Variants in IL1RL1 observed in about 807,000 individuals in gnomAD.
IL1RL1 encodes the protein interleukin 1 receptor like 1, also known as interleukin-1 receptor-like 1.
A neutral mutation model predicts 50.9 loss-of-function variants in IL1RL1; 32 were observed. The ratio of observed to expected loss-of-function variants is 0.63; its 90% CI spans 0.47 to 0.84. The LOEUF (loss-of-function observed/expected upper bound fraction) is 0.84, where lower values mean the gene tolerates loss of function less well. Among genes scored for constraint, IL1RL1 ranks in the 40% least tolerant of loss-of-function variants. The pLI is 0.00. For missense variants in IL1RL1, 773 were observed against 662.9 expected, an observed-to-expected ratio of 1.17 and a Z score of -1.82; for synonymous variants, 275 against 236.0, an observed-to-expected ratio of 1.17 and a Z score of -1.51.
rs6751967 is a variant in IL1RL1 at position 102,350,953 on chromosome 2, T to C, written c.1286-583T>C. Among the ~76,000 whole-genome samples the C allele has an allele frequency of 0.45, 68,657 of 152,058 alleles. 17,730 individuals are homozygous for C. Among genetic ancestry groups the C allele is most frequent in the African/African-American group, 0.7 (29,078 of 41,444 alleles). On this transcript the variant is annotated intron_variant, in intron 10 of 10. Coordinates refer to ENST00000233954, the MANE Select transcript of IL1RL1 (RefSeq NM_016232.5). Reference sequence around the variant, plus strand: ...CCAGAGCTAATTGGAATCACCATGGTGTCTACGCTGTATAAATGCCAAATG... The same window carrying C: ...CCAGAGCTAATTGGAATCACCATGGCGTCTACGCTGTATAAATGCCAAATG...
intron 1 of IL1RL1, among the ~76,000 whole-genome samples, chr2:102,334,146 G>A (rs1677247532): frequency 6.6e-6 from 1 of 152,150 alleles, no homozygotes; most frequent in African/African-American, 2.4e-5. Flanking sequence ...TTGGTTCATT[G>A]AGAAATCTTC....
Position 102,338,097 on chromosome 2 carries a change from T to G in IL1RL1, c.-149-19T>G, listed in dbSNP as rs766402606. ...CTGATAAAAATTCTGTTTATGGTTT[T>G]GTCTAACTTATTTTTCAGTTGAGAT... On this transcript the variant is annotated intron_variant, in intron 1 of 10. Transcript: ENST00000233954. The G allele has an allele frequency of 2.3e-6, 1 of 441,824 alleles. No individual in the cohort carries two copies. The highest frequency in any genetic ancestry group is 4.1e-6 in the Non-Finnish European group (1 of 241,736). The allele number at this position is 441,824 out of a possible 1,614,324, so 27.4% of individuals were successfully genotyped here.
intron 1 of IL1RL1, among the ~76,000 whole-genome samples, chr2:102,335,799 A>G (rs574886996): frequency 6.6e-6 from 1 of 152,284 alleles, no homozygotes; most frequent in East Asian, 1.9e-4. Context: ...ATTTTATTGA[A>G]CAAACCTATT....
At chr2:102,329,428 G>A (rs1310293136) in intron 1 of IL1RL1, among the ~76,000 whole-genome samples, 4 of 152,102 alleles carry the variant, frequency 2.6e-5, no homozygotes, top group Non-Finnish European at 2.9e-5. Flanking sequence ...CATAGGCATG[G>A]GCAAGGACTT....
At chr2:102,347,739 T>C (rs1339803227) in intron 8 of IL1RL1, among the ~76,000 whole-genome samples, 2 of 152,150 alleles carry the variant, frequency 1.3e-5, no homozygotes, top group Non-Finnish European at 2.9e-5. Flanking sequence ...TCTTTTGCCT[T>C]TGAGAATGCC....
intron 1 of IL1RL1, among the ~76,000 whole-genome samples, chr2:102,323,247 T>TTATATATATATATATATATATA (rs371889389): frequency 8.4e-4 from 83 of 98,532 alleles, no homozygotes; most frequent in African/African-American, 2.8e-3. Flanking sequence ...TTGTTAGGTT[T>TTATATATATATATATATATATA]TATATATATA....
chr2:102,313,091 A>C (rs145148318), intron 1 of IL1RL1: 1 of 152,250 alleles, frequency 6.6e-6, no homozygotes, highest in African/African-American at 2.4e-5. Context: ...TCTGCATTTA[A>C]TCCCTGCTCT....
intron 1 of IL1RL1, among the ~76,000 whole-genome samples, chr2:102,325,817 A>G (rs941400696): frequency 2.6e-5 from 4 of 152,230 alleles, no homozygotes; most frequent in Non-Finnish European, 5.9e-5. Context: ...GAATAAAAGG[A>G]AACGAACAAA....
intron 1 of IL1RL1, among the ~76,000 whole-genome samples, chr2:102,316,086 T>C (rs924719940): frequency 2.6e-5 from 4 of 152,244 alleles, no homozygotes; most frequent in Non-Finnish European, 2.9e-5. Flanking sequence ...CACTCACCTC[T>C]GATTTCTAGT....
At chr2:102,324,902 C>T (rs1676947886) in intron 1 of IL1RL1, among the ~76,000 whole-genome samples, 1 of 152,240 alleles carries the variant, frequency 6.6e-6, no homozygotes, top group Non-Finnish European at 1.5e-5. Flanking sequence ...GCCTGCCTGC[C>T]TCTGTAGACT....
chr2:102,344,796 T>C (rs1677719733), intron 8 of IL1RL1: 2 of 927,130 alleles, frequency 2.2e-6, no homozygotes, highest in Non-Finnish European at 2.6e-6. Context: ...TACAACAAAA[T>C]ACTATTTTTA....
At chr2:102,330,261 G>A (rs547559015) in intron 1 of IL1RL1, among the ~76,000 whole-genome samples, 7 of 151,726 alleles carry the variant, frequency 4.6e-5, no homozygotes, top group South Asian at 2.1e-4. Context: ...AACACCACAT[G>A]TTCTCACTCA....
intron 6 of IL1RL1, 24 bp downstream of exon 6, chr2:102,342,318 G>T (rs199776586): frequency 4.0e-6 from 6 of 1,517,534 alleles, no homozygotes; most frequent in Non-Finnish European, 4.6e-6. Flanking sequence ...TCAGAATGCT[G>T]TAAATATTGC....
intron 5 of IL1RL1, among the ~76,000 whole-genome samples, 175 bp from the exon 6 acceptor site, chr2:102,342,046 CGT>C (rs67962088): frequency 0.031 from 4,394 of 144,050 alleles, 104 homozygotes; most frequent in East Asian, 0.086. Context: ...CTTTCTGTTT[CGT>C]GTGTGTGTGT....
chr2:102,346,523 C>T (rs1162851618), intron 8 of IL1RL1, among the ~76,000 whole-genome samples: 7 of 152,196 alleles, frequency 4.6e-5, no homozygotes, highest in African/African-American at 1.4e-4. Flanking sequence ...CAACTTCTTT[C>T]CTCTACTTGG....
intron 8 of IL1RL1, 136 bp downstream of exon 8, chr2:102,343,551 T>A: frequency 6.4e-7 from 1 of 1,555,782 alleles, no homozygotes; most frequent in East Asian, 2.3e-5. Flanking sequence ...TTCTTCGGGA[T>A]GTTGTTTGCT....
intron 5 of IL1RL1, chr2:102,341,493 CA>C: frequency 3.5e-6 from 1 of 285,520 alleles, no homozygotes; most frequent in Non-Finnish European, 5.5e-6. Context: ...AGTCGATCTA[CA>C]GACGTAGATG....
intron 1 of IL1RL1, among the ~76,000 whole-genome samples, chr2:102,328,303 C>T (rs1677072564): frequency 6.6e-6 from 1 of 152,092 alleles, no homozygotes; most frequent in Non-Finnish European, 1.5e-5. Context: ...CAAAATTCAA[C>T]AACCCTTCAT....
At chr2:102,346,198 T>A in intron 8 of IL1RL1, 1 of 222,266 alleles carries the variant, frequency 4.5e-6, no homozygotes, top group South Asian at 1.6e-4. Flanking sequence ...TCCATTTTAT[T>A]AACTATTACT....
Sources: gnomAD v4.1 joint callset for allele counts (sites outside exome capture counted in the v4.1 genomes callset) on GRCh38, gnomAD v4.1.1 for gene constraint, MANE v1.5 for transcripts, NCBI Gene and HGNC (gene_info 2026-07-23, HGNC 2026-07-21) for gene names.